The following FAT3 variants were observed in gnomAD, a reference collection of about 807,000 sequenced individuals.
The protein encoded by FAT3 is protocadherin Fat 3.
A neutral mutation model predicts 310.2 loss-of-function variants in FAT3; 95 were observed. The observed-to-expected ratio is 0.31, with a 90% CI of 0.26 to 0.36. The LOEUF is 0.36. Among genes scored for constraint, FAT3 ranks in the 10% least tolerant of loss-of-function variants. FAT3 has a pLI of 1.00. For synonymous variants in FAT3, 2,314 were observed against 2,192.9 expected, an observed-to-expected ratio of 1.06 and a Z score of -1.54; for missense variants, 5,408 against 5,715.6, an observed-to-expected ratio of 0.95 and a Z score of 1.74.
intron 1 of FAT3, among the ~76,000 whole-genome samples, chr11:92,252,505 T>TA (rs1280752140): frequency 6.6e-6 from 1 of 152,138 alleles, no homozygotes; most frequent in African/African-American, 2.4e-5. Flanking sequence ...GTCCTATGCT[T>TA]ACGGTTCTTT....
intron 2 of FAT3, among the ~76,000 whole-genome samples, chr11:92,467,836 T>C (rs765356753): frequency 2.6e-5 from 4 of 152,180 alleles, no homozygotes; most frequent in African/African-American, 4.8e-5. Context: ...TTAACTTCCT[T>C]CTTCTATCCT....
intron 3 of FAT3, among the ~76,000 whole-genome samples, chr11:92,568,488 C>A (rs1382786842): frequency 6.6e-6 from 1 of 152,088 alleles, no homozygotes; most frequent in Non-Finnish European, 1.5e-5. Context: ...TTGATGCTAG[C>A]AATGGAAAGA....
At chr11:92,501,208 G>T (rs369027173) in intron 2 of FAT3, among the ~76,000 whole-genome samples, 4 of 152,124 alleles carry the variant, frequency 2.6e-5, no homozygotes, top group South Asian at 2.1e-4. Flanking sequence ...TCTTCAGCTG[G>T]GGGTATTTCT....
At chr11:92,237,000 T>A (rs992307202) in intron 1 of FAT3, among the ~76,000 whole-genome samples, 3 of 150,170 alleles carry the variant, frequency 2.0e-5, no homozygotes, top group African/African-American at 7.3e-5. Context: ...TTTTTCCCTA[T>A]TAACTCATGA....
intron 17 of FAT3, among the ~76,000 whole-genome samples, chr11:92,838,429 G>T (rs1259385190): frequency 6.6e-6 from 1 of 152,184 alleles, no homozygotes; most frequent in African/African-American, 2.4e-5. Flanking sequence ...TGCTATAAGA[G>T]AGAGTGACTC....
At chr11:92,691,732 C>T (rs1315401348) in intron 3 of FAT3, among the ~76,000 whole-genome samples, 2 of 152,016 alleles carry the variant, frequency 1.3e-5, no homozygotes, top group Non-Finnish European at 2.9e-5. Flanking sequence ...AAATTAACCT[C>T]GGGCAAGTTT....
At chr11:92,312,253 T>A (rs1340744326) in intron 1 of FAT3, among the ~76,000 whole-genome samples, 2 of 152,198 alleles carry the variant, frequency 1.3e-5, no homozygotes, top group African/African-American at 4.8e-5. Context: ...GCTTGGTATA[T>A]GGGAGTTGTT....
rs1945558748 is a variant in FAT3, at chr11:92,743,233, C to T, written c.3670-18623C>T. On this transcript the variant is annotated intron_variant, in intron 4 of 27. Coordinates refer to ENST00000525166, the MANE Select transcript of FAT3 (RefSeq NM_001367949.2). ...TCAAACTTCTAGGATCCTGGCCCCTCTTTTAAGGGGAGCACCTTGTGGCCT... is the reference window on the plus strand; with the variant it reads ...TCAAACTTCTAGGATCCTGGCCCCTTTTTTAAGGGGAGCACCTTGTGGCCT... 3.3e-5 allele frequency among the ~76,000 whole-genome samples: 5 copies of T among 152,196 alleles called. No homozygotes were observed. The South Asian group carries it at 1.0e-3, about 32-fold the overall frequency.
rs2136351839 is a variant in FAT3 at position 92,867,106 on chromosome 11, G to T, written c.12024G>T (p.Val4008=). ...LQNKRSSFAE[V]VGLTELKLGC... ...ACAAGCGCAGCAGCTTCGCGGAGGT[G>T]GTGGGCCTGACGGAGCTGAAGCTGG... Residue 4008 remains valine (V), a synonymous_variant, in exon 22 of 28, where the codon GTG becomes GTT. Coordinates refer to ENST00000525166, the MANE Select transcript of FAT3 (RefSeq NM_001367949.2). 6.2e-7 allele frequency: 1 copy of T among 1,601,826 alleles called. No homozygotes were observed. The highest frequency in any genetic ancestry group is 8.5e-7 in the Non-Finnish European group (1 of 1,174,864).
intron 2 of FAT3, among the ~76,000 whole-genome samples, chr11:92,377,097 G>A (rs1037569267): frequency 6.6e-6 from 1 of 152,146 alleles, no homozygotes; most frequent in African/African-American, 2.4e-5. Flanking sequence ...CAGTCTGTAC[G>A]TGTAAGACTA....
intron 2 of FAT3, among the ~76,000 whole-genome samples, chr11:92,471,493 C>T (rs1951901647): frequency 6.6e-6 from 1 of 152,016 alleles, no homozygotes; most frequent in African/African-American, 2.4e-5. Context: ...ATTAAAATGA[C>T]AAGAGCCATT....
chr11:92,600,277 G>A (rs1253528988), intron 3 of FAT3, among the ~76,000 whole-genome samples: 1 of 152,108 alleles, frequency 6.6e-6, no homozygotes, highest in Non-Finnish European at 1.5e-5. Flanking sequence ...CCCTAGTGAG[G>A]CCCAGTCAGC....
At chr11:92,226,934 C>G (rs1435528444) in intron 1 of FAT3, among the ~76,000 whole-genome samples, 1 of 152,152 alleles carries the variant, frequency 6.6e-6, no homozygotes, top group Non-Finnish European at 1.5e-5. Context: ...GACTCTGGCG[C>G]GTTTGTTTTC....
At chr11:92,686,263 A>C (rs190452674) in intron 3 of FAT3, among the ~76,000 whole-genome samples, 32 of 151,018 alleles carry the variant, frequency 2.1e-4, no homozygotes, top group Admixed American at 1.9e-3. Flanking sequence ...ACTGCTCTCA[A>C]ATAAACACAT....
intron 3 of FAT3, among the ~76,000 whole-genome samples, chr11:92,590,049 G>A (rs1939349662): frequency 6.6e-6 from 1 of 151,922 alleles, no homozygotes; most frequent in Admixed American, 6.6e-5. Flanking sequence ...GTATTCTTTT[G>A]GTGTCACTGA....
intron 2 of FAT3, among the ~76,000 whole-genome samples, chr11:92,373,629 G>A (rs908635470): frequency 3.3e-5 from 5 of 151,798 alleles, no homozygotes; most frequent in African/African-American, 4.8e-5. Flanking sequence ...TATAATGAAC[G>A]CGTGATGAAC....
intron 15 of FAT3, among the ~76,000 whole-genome samples, chr11:92,836,166 C>T (rs533938275): frequency 5.9e-5 from 9 of 152,318 alleles, no homozygotes; most frequent in African/African-American, 2.2e-4. Flanking sequence ...ACTTTCTTGG[C>T]TTCCTTAACA....
At chr11:92,691,122 A>C (rs1365971979) in intron 3 of FAT3, among the ~76,000 whole-genome samples, 1 of 152,222 alleles carries the variant, frequency 6.6e-6, no homozygotes, top group Non-Finnish European at 1.5e-5. Flanking sequence ...GGGAAGGAAG[A>C]AGACTAATGA....
chr11:92,339,887 G>A (rs1948199231), intron 1 of FAT3, among the ~76,000 whole-genome samples: 1 of 152,040 alleles, frequency 6.6e-6, no homozygotes, highest in Non-Finnish European at 1.5e-5. Context: ...GCCAAGATGG[G>A]CGATCACGAG....
Sources: allele counts gnomAD v4.1 joint callset (sites outside exome capture counted in the v4.1 genomes callset), GRCh38; gene constraint gnomAD v4.1.1; transcripts MANE v1.5; gene names NCBI Gene and HGNC (gene_info 2026-07-23, HGNC 2026-07-21).